TRPM3: variants seen among roughly 807,000 people sequenced by gnomAD.
The protein encoded by TRPM3 is long transient receptor potential channel 3.
TRPM3 carries 77 observed loss-of-function variants against 181.2 expected under a neutral mutation model. The ratio of observed to expected loss-of-function variants is 0.42; its 90% CI spans 0.35 to 0.51. The LOEUF (loss-of-function observed/expected upper bound fraction) is 0.51, where lower values mean the gene tolerates loss of function less well. TRPM3 is among the 20% of genes least tolerant of loss of function. The pLI is 0.01. For synonymous variants in TRPM3, 745 were observed against 796.4 expected (o/e 0.94, Z 1.09); for missense variants, 1,759 against 2,196.7 (o/e 0.80, Z 3.98).
At chr9:70,592,129 T>C (rs1005913731) in intron 21 of TRPM3, among the ~76,000 whole-genome samples, 2 of 152,222 alleles carry the variant, frequency 1.3e-5, no homozygotes, top group African/African-American at 4.8e-5. Context: ...TAGATGAGGA[T>C]GCAATAACTA....
At chr9:70,563,670 G>A (rs1320647889) in intron 22 of TRPM3, among the ~76,000 whole-genome samples, 2 of 152,188 alleles carry the variant, frequency 1.3e-5, no homozygotes, top group Non-Finnish European at 2.9e-5. Flanking sequence ...TGACCTCACT[G>A]GGTCATGTAA....
intron 1 of TRPM3, among the ~76,000 whole-genome samples, chr9:71,180,204 A>G (rs2134894578): frequency 6.6e-6 from 1 of 152,016 alleles, no homozygotes; most frequent in Non-Finnish European, 1.5e-5. Context: ...ACAGATGTGC[A>G]TCAGCACACC....
chr9:71,142,491 T>C (rs892466906), intron 1 of TRPM3, among the ~76,000 whole-genome samples: 4 of 152,086 alleles, frequency 2.6e-5, no homozygotes, highest in Non-Finnish European at 2.9e-5. Context: ...CATATATACA[T>C]ATATATACAC....
At chr9:70,894,161 G>A (rs981792276) in intron 1 of TRPM3, among the ~76,000 whole-genome samples, 12 of 152,194 alleles carry the variant, frequency 7.9e-5, no homozygotes, top group Non-Finnish European at 1.8e-4. Flanking sequence ...CTACAAAGAT[G>A]CAAGGATTTT....
chr9:71,250,068 C>T (rs2082255752), intron 1 of TRPM3, among the ~76,000 whole-genome samples: 1 of 152,152 alleles, frequency 6.6e-6, no homozygotes, highest in African/African-American at 2.4e-5. Context: ...ACTCCATTAA[C>T]AATCTTTAAA....
intron 1 of TRPM3, among the ~76,000 whole-genome samples, chr9:71,424,291 T>A (rs1053533208): frequency 6.6e-6 from 1 of 152,166 alleles, no homozygotes; most frequent in Non-Finnish European, 1.5e-5. Context: ...TGGCAAGCCA[T>A]TTTGCGGCAC....
intron 19 of TRPM3, among the ~76,000 whole-genome samples, chr9:70,605,433 G>T (rs2060874116): frequency 6.6e-6 from 1 of 152,064 alleles, no homozygotes; most frequent in African/African-American, 2.4e-5. Flanking sequence ...TGCATGGTTT[G>T]TGCTGGCACA....
At chr9:71,167,069 A>G (rs897637245) in intron 1 of TRPM3, among the ~76,000 whole-genome samples, 15 of 152,198 alleles carry the variant, frequency 9.9e-5, no homozygotes, top group Non-Finnish European at 2.9e-5. Flanking sequence ...ACAAACAGAA[A>G]AAGAGTTACC....
intron 1 of TRPM3, among the ~76,000 whole-genome samples, chr9:71,178,055 A>AT (rs932268336): frequency 3.0e-4 from 45 of 151,820 alleles, no homozygotes; most frequent in African/African-American, 9.4e-4. Flanking sequence ...AGGTTTTAGG[A>AT]TTTTTTTTCC....
chr9:70,676,748 G>T (rs1290948086), intron 9 of TRPM3, among the ~76,000 whole-genome samples: 7 of 152,082 alleles, frequency 4.6e-5, no homozygotes, highest in Non-Finnish European at 8.8e-5. Flanking sequence ...TTGCCTTAAG[G>T]CTAAACTGAA....
intron 1 of TRPM3, among the ~76,000 whole-genome samples, chr9:71,161,579 T>C (rs1037075867): frequency 6.6e-6 from 1 of 152,240 alleles, no homozygotes; most frequent in East Asian, 1.9e-4. Context: ...AAAACTCTTC[T>C]AAGTGTGGGG....
intron 11 of TRPM3, among the ~76,000 whole-genome samples, chr9:70,637,385 G>A (rs550412353): frequency 5.9e-5 from 9 of 152,014 alleles, no homozygotes; most frequent in East Asian, 1.9e-4. Context: ...AAAGTATTCC[G>A]GGAAGCCACC....
At position 71,037,194 on chromosome 9, in the gene TRPM3, T is replaced by C. The variant is rs374021645; in HGVS notation, c.177+83984A>G. On this transcript the variant is annotated intron_variant, in intron 1 of 25. Coordinates refer to ENST00000677713, the MANE Select transcript of TRPM3 (RefSeq NM_001366145.2). ...ATCTTGATCATCCAGTCTTGATCTA[T>C]TCTTATTATGATTATTTTCAACTTA... Among the ~76,000 whole-genome samples, 46 of 152,332 alleles carry C rather than the reference T, an allele frequency of 3.0e-4. No homozygotes were observed. The South Asian group carries it at 9.5e-3, about 32-fold the overall frequency.
intron 3 of TRPM3, among the ~76,000 whole-genome samples, chr9:70,847,797 A>C (rs1345581185): frequency 6.6e-6 from 1 of 152,170 alleles, no homozygotes; most frequent in Non-Finnish European, 1.5e-5. Context: ...GGCCTTGTCT[A>C]TATTCACACT....
At chr9:70,852,951 G>GAT (rs1253791742) in intron 3 of TRPM3, among the ~76,000 whole-genome samples, 4 of 152,064 alleles carry the variant, frequency 2.6e-5, no homozygotes, top group East Asian at 1.9e-4. Flanking sequence ...AACCCAGTGT[G>GAT]ATATATATAT....
At chr9:71,161,041 A>C (rs2076251336) in intron 1 of TRPM3, among the ~76,000 whole-genome samples, 1 of 152,170 alleles carries the variant, frequency 6.6e-6, no homozygotes. Flanking sequence ...TGACTATGGA[A>C]ACCCAAAATT....
At chr9:70,949,858 A>T (rs542298455) in intron 1 of TRPM3, among the ~76,000 whole-genome samples, 5 of 152,260 alleles carry the variant, frequency 3.3e-5, no homozygotes, top group Admixed American at 1.3e-4. Context: ...TAGTGGTGGA[A>T]ATCACCTCCT....
At chr9:70,673,949 C>CAAA (rs5898160) in intron 9 of TRPM3, among the ~76,000 whole-genome samples, 2,384 of 89,458 alleles carry the variant, frequency 0.027, 126 homozygotes, top group Non-Finnish European at 0.032. Flanking sequence ...AACTCCATCT[C>CAAA]AAAAAAAAAA....
intron 1 of TRPM3, among the ~76,000 whole-genome samples, chr9:71,133,757 C>T (rs1040472568): frequency 6.6e-6 from 1 of 152,124 alleles, no homozygotes; most frequent in Admixed American, 6.5e-5. Context: ...AAATTTTTAA[C>T]ATTTATATAT....
Sources: allele counts gnomAD v4.1 joint callset (sites outside exome capture counted in the v4.1 genomes callset), GRCh38; gene constraint gnomAD v4.1.1; transcripts MANE v1.5; gene names NCBI Gene and HGNC (gene_info 2026-07-23, HGNC 2026-07-21).